Variants in PCSK6 observed in about 807,000 individuals in gnomAD.
PCSK6 encodes paired basic amino acid cleaving enzyme 4.
PCSK6 carries 85 observed loss-of-function variants against 123.3 expected under a neutral mutation model. The observed-to-expected ratio is 0.69, with a 90% CI of 0.58 to 0.83. The LOEUF is 0.83. Ranked by LOEUF, PCSK6 falls within the 40% of genes least tolerant of loss-of-function variation. PCSK6 has a pLI of 0.00. For synonymous variants in PCSK6, 508 were observed against 516.0 expected (o/e 0.98, Z 0.21); for missense variants, 1,191 against 1,282.3 (o/e 0.93, Z 1.09).
In PCSK6 at chr15:101,370,601, C is replaced by T. The variant is rs1220966187; in HGVS notation, c.1533-78G>A. On this transcript the variant is annotated intron_variant, in intron 11 of 21. Transcript: ENST00000611716. The stretch of plus-strand genomic sequence containing the variant: ...CCACACAGCCAGGAGCTCCAGCGCC[C>T]GTCCACTCTATCCCCACTGCAGCCT... 16 of 1,305,968 alleles carry T rather than the reference C, an allele frequency of 1.2e-5. 1 individual carries two copies. The highest frequency in any genetic ancestry group is 2.8e-4 in the Middle Eastern group (1 of 3,526). 80.9% of individuals were successfully genotyped at this position (1,305,968 alleles called of 1,614,324 possible).
intron 1 of PCSK6, among the ~76,000 whole-genome samples, chr15:101,463,378 C>T (rs1185908451): frequency 6.6e-6 from 1 of 152,160 alleles, no homozygotes; most frequent in Non-Finnish European, 1.5e-5. Context: ...CCTCTCCTTC[C>T]AGGTGCCATC....
chr15:101,474,595 A>G (rs2057683628), intron 1 of PCSK6, among the ~76,000 whole-genome samples: 1 of 152,116 alleles, frequency 6.6e-6, no homozygotes, highest in Admixed American at 6.5e-5. Flanking sequence ...TGGAACTTCT[A>G]TCTCTGCTTT....
In PCSK6 at chr15:101,477,498, T is replaced by C. The variant is rs12902088; in HGVS notation, c.297+11876A>G. On this transcript the variant is annotated intron_variant, in intron 1 of 21. Coordinates refer to ENST00000611716, the MANE Select transcript of PCSK6 (RefSeq NM_002570.5). ...ACAGGATATTCAACCTGCATATGAGTGTGCACGCACACACTCAGACACAGA... is the reference window on the plus strand; with the variant it reads ...ACAGGATATTCAACCTGCATATGAGCGTGCACGCACACACTCAGACACAGA... 6.2e-3 allele frequency among the ~76,000 whole-genome samples: 943 copies of C among 152,316 alleles called. 2 individuals carry two copies. The highest frequency in any genetic ancestry group is 9.9e-3 in the Non-Finnish European group (671 of 68,018).
At chr15:101,469,605 G>A (rs1484711652) in intron 1 of PCSK6, among the ~76,000 whole-genome samples, 1 of 152,206 alleles carries the variant, frequency 6.6e-6, no homozygotes, top group Non-Finnish European at 1.5e-5. Flanking sequence ...AACATGCCAG[G>A]CAGGCGAAGG....
rs373327270 is a variant in PCSK6 at position 101,466,073 on chromosome 15, T to C, written c.298-22413A>G. 4.0e-5 allele frequency among the ~76,000 whole-genome samples: 6 copies of C among 151,882 alleles called. No individual in the cohort carries two copies. In the South Asian group the frequency reaches 1.3e-3, roughly 32 times the overall value. ...GTCAGAGTGGATTAAAAAAACAATG[T>C]CCGTGCTCCAAAGGACACCATCAAG... On this transcript the variant is annotated intron_variant, in intron 1 of 21. Coordinates refer to ENST00000611716, the MANE Select transcript of PCSK6 (RefSeq NM_002570.5).
intron 6 of PCSK6, among the ~76,000 whole-genome samples, chr15:101,399,833 C>T (rs1039025323): frequency 2.2e-4 from 33 of 152,090 alleles, no homozygotes; most frequent in African/African-American, 7.2e-4. Flanking sequence ...CAGAGGCCCC[C>T]GGGAGCCCCT....
chr15:101,442,622 TC>T (rs1231301462), intron 2 of PCSK6, among the ~76,000 whole-genome samples: 1 of 152,034 alleles, frequency 6.6e-6, no homozygotes, highest in Non-Finnish European at 1.5e-5. Flanking sequence ...AAAACTTTAC[TC>T]TAAGTATTTT....
At chr15:101,335,930 T>C (rs750006311) in intron 13 of PCSK6, among the ~76,000 whole-genome samples, 17 of 152,206 alleles carry the variant, frequency 1.1e-4, no homozygotes, top group Non-Finnish European at 2.1e-4. Context: ...TGGAATACTG[T>C]AGGCAACTGT....
intron 1 of PCSK6, among the ~76,000 whole-genome samples, chr15:101,466,016 G>T (rs2057451504): frequency 1.3e-5 from 2 of 151,894 alleles, no homozygotes; most frequent in South Asian, 4.2e-4. Context: ...AAATGTGAAT[G>T]GTCTCAACAC....
At chr15:101,366,363 A>G in intron 12 of PCSK6, 31 bp from the exon 13 acceptor site, 4 of 1,605,300 alleles carry the variant, frequency 2.5e-6, no homozygotes, top group Non-Finnish European at 3.4e-6. Flanking sequence ...TCAGAAATGA[A>G]GGTGCTGGTA....
chr15:101,328,874 C>T (rs1187125825), intron 15 of PCSK6, among the ~76,000 whole-genome samples: 1 of 152,218 alleles, frequency 6.6e-6, no homozygotes, highest in East Asian at 1.9e-4. Flanking sequence ...GCCCATGAAG[C>T]GTTCTTAAAT....
intron 1 of PCSK6, among the ~76,000 whole-genome samples, chr15:101,476,288 T>A (rs1473459229): frequency 1.3e-5 from 2 of 152,192 alleles, no homozygotes; most frequent in African/African-American, 4.8e-5. Context: ...TTATGGATCC[T>A]ACAGAAATTC....
At chr15:101,377,347 C>G (rs1045978074) in intron 11 of PCSK6, among the ~76,000 whole-genome samples, 1 of 152,188 alleles carries the variant, frequency 6.6e-6, no homozygotes, top group African/African-American at 2.4e-5. Context: ...GCAGGTCGCT[C>G]TCATTGGCTC....
rs1187094052 is a variant in PCSK6 at position 101,360,692 on chromosome 15, TG to T, written c.1858+5503del. 7.3e-4 allele frequency among the ~76,000 whole-genome samples: 102 copies of T among 138,886 alleles called. 1 individual carries two copies. The highest frequency in any genetic ancestry group is 2.8e-3 in the African/African-American group (101 of 36,636). The allele number at this position is 138,886 out of a possible 152,430, so 91.1% of individuals were successfully genotyped here. On this transcript the variant is annotated intron_variant, in intron 13 of 21. Coordinates refer to ENST00000611716, the MANE Select transcript of PCSK6 (RefSeq NM_002570.5). ...CCTGCCCGGGGGCCTTAGCATCCCC[TG>T]GAACACACCAGGCACACTCCTGCCC...
intron 1 of PCSK6, among the ~76,000 whole-genome samples, chr15:101,450,110 G>A (rs2056995148): frequency 1.3e-5 from 2 of 152,034 alleles, no homozygotes. Flanking sequence ...TTCCCAAAGG[G>A]GGCTCTTAAT....
At chr15:101,400,783 C>A (rs1204100892) in intron 6 of PCSK6, among the ~76,000 whole-genome samples, 2 of 152,206 alleles carry the variant, frequency 1.3e-5, no homozygotes, top group African/African-American at 4.8e-5. Flanking sequence ...AACATATAAC[C>A]AAATGTACTT....
chr15:101,471,059 C>A (rs959316620), intron 1 of PCSK6, among the ~76,000 whole-genome samples: 1 of 152,308 alleles, frequency 6.6e-6, no homozygotes, highest in Non-Finnish European at 1.5e-5. Flanking sequence ...CCTTAAACCA[C>A]GGACTCTGCT....
At chr15:101,334,514 G>A (rs572325060) in intron 13 of PCSK6, 52 of 152,324 alleles carry the variant, frequency 3.4e-4, no homozygotes, top group Non-Finnish European at 6.8e-4. Flanking sequence ...AACAAGCCTG[G>A]TGAGGAACCT....
chr15:101,330,319 A>G (rs2040348233), intron 15 of PCSK6, among the ~76,000 whole-genome samples: 1 of 151,734 alleles, frequency 6.6e-6, no homozygotes, highest in South Asian at 2.1e-4. Flanking sequence ...CACTTCCTCT[A>G]TTTCTTGGCA....
Sources: allele counts gnomAD v4.1 joint callset (sites outside exome capture counted in the v4.1 genomes callset), GRCh38; gene constraint gnomAD v4.1.1; transcripts MANE v1.5; gene names NCBI Gene and HGNC (gene_info 2026-07-23, HGNC 2026-07-21).